CCDC102B: variants seen among roughly 807,000 people sequenced by gnomAD.
CCDC102B encodes the protein coiled-coil domain-containing protein 102B.
In CCDC102B, 75 loss-of-function variants were observed where a neutral mutation model predicts 57.4. The observed-to-expected ratio is 1.31, with a 90% CI of 1.08 to 1.58. The LOEUF is 1.58. Ranked by LOEUF, CCDC102B falls within the 40% of genes most tolerant of loss-of-function variation. The pLI, the probability that CCDC102B is intolerant of heterozygous loss-of-function variation, is 0.00. For synonymous variants in CCDC102B, 206 were observed against 201.9 expected, an observed-to-expected ratio of 1.02 and a Z score of -0.17; for missense variants, 636 against 582.6, an observed-to-expected ratio of 1.09 and a Z score of -0.94.
At chr18:68,967,839 T>A (rs1003847402) in intron 6 of CCDC102B, among the ~76,000 whole-genome samples, 1 of 152,176 alleles carries the variant, frequency 6.6e-6, no homozygotes, top group African/African-American at 2.4e-5. Flanking sequence ...TTATTTTTCT[T>A]TTAAGTAATC....
chr18:68,901,657 A>G (rs2040458571), intron 6 of CCDC102B, among the ~76,000 whole-genome samples: 1 of 152,200 alleles, frequency 6.6e-6, no homozygotes, highest in Non-Finnish European at 1.5e-5. Flanking sequence ...ACATTTGCAC[A>G]TATCCTGTGG....
intron 2 of CCDC102B, among the ~76,000 whole-genome samples, chr18:68,738,993 C>CTTATTTTTTTTTT (rs1555695902): frequency 6.9e-6 from 1 of 144,976 alleles, no homozygotes; most frequent in African/African-American, 2.6e-5. Flanking sequence ...GATGAGCAGC[C>CTTATTTTTTTTTT]TTTTGTTTTT....
chr18:68,730,258 T>C (rs1349059313), intron 2 of CCDC102B, among the ~76,000 whole-genome samples: 1 of 152,170 alleles, frequency 6.6e-6, no homozygotes, highest in Non-Finnish European at 1.5e-5. Context: ...GATTCTCTTA[T>C]CCATTAAAAA....
intron 2 of CCDC102B, among the ~76,000 whole-genome samples, chr18:68,762,633 A>G (rs2034290498): frequency 6.6e-6 from 1 of 152,140 alleles, no homozygotes. Context: ...AAAGTTCTGT[A>G]CTTAATAAGG....
intron 6 of CCDC102B, among the ~76,000 whole-genome samples, chr18:68,952,419 A>G (rs967473147): frequency 6.6e-6 from 1 of 152,094 alleles, no homozygotes; most frequent in Non-Finnish European, 1.5e-5. Flanking sequence ...ATTTTACCCA[A>G]TCATTTTGAA....
At chr18:68,771,633 G>A (rs1391408087) in intron 2 of CCDC102B, among the ~76,000 whole-genome samples, 1 of 152,166 alleles carries the variant, frequency 6.6e-6, no homozygotes, top group African/African-American at 2.4e-5. Flanking sequence ...AGCGGTAAGG[G>A]CTAGAGAGCA....
chr18:69,030,607 G>A (rs1405937512), intron 7 of CCDC102B, among the ~76,000 whole-genome samples: 2 of 152,052 alleles, frequency 1.3e-5, no homozygotes, highest in Admixed American at 1.3e-4. Context: ...ATGTTTATAG[G>A]TTACGTATTC....
At chr18:69,004,163 C>G (rs1418533537) in intron 6 of CCDC102B, among the ~76,000 whole-genome samples, 4 of 152,136 alleles carry the variant, frequency 2.6e-5, no homozygotes, top group African/African-American at 9.7e-5. Flanking sequence ...GGTACATATT[C>G]TAAAGTGACA....
At chr18:68,973,341 C>T (rs1422188691) in intron 6 of CCDC102B, among the ~76,000 whole-genome samples, 2 of 152,086 alleles carry the variant, frequency 1.3e-5, no homozygotes, top group Non-Finnish European at 2.9e-5. Context: ...GTATAAATCA[C>T]ATAGTCCAAA....
At chr18:68,723,783 T>C (rs1321428846) in intron 2 of CCDC102B, among the ~76,000 whole-genome samples, 1 of 152,200 alleles carries the variant, frequency 6.6e-6, no homozygotes, top group African/African-American at 2.4e-5. Flanking sequence ...CTTTTCCAGC[T>C]GCGTGGTACA....
intron 4 of CCDC102B, among the ~76,000 whole-genome samples, chr18:68,864,877 C>T (rs887627953): frequency 6.6e-6 from 1 of 151,868 alleles, no homozygotes; most frequent in African/African-American, 2.4e-5. Context: ...CCAAATATTC[C>T]TTGTTCTCTC....
At chr18:68,836,700 T>C in intron 1 of CCDC102B, 49 bp from the exon 2 acceptor site, 8 of 1,461,166 alleles carry the variant, frequency 5.5e-6, no homozygotes, top group Non-Finnish European at 7.4e-6. Flanking sequence ...TGTTCCTGTA[T>C]TTACAAGGGA....
chr18:68,845,272 T>C (rs2037809493), intron 3 of CCDC102B, among the ~76,000 whole-genome samples: 1 of 151,890 alleles, frequency 6.6e-6, no homozygotes, highest in African/African-American at 2.4e-5. Context: ...ATGCATTTTC[T>C]AGCTCTGTGA....
At chr18:68,875,499 C>A (rs2039407606) in intron 5 of CCDC102B, among the ~76,000 whole-genome samples, 1 of 152,120 alleles carries the variant, frequency 6.6e-6, no homozygotes, top group Admixed American at 6.6e-5. Context: ...GAGCAATTTA[C>A]AGACTGAAAT....
intron 2 of CCDC102B, among the ~76,000 whole-genome samples, chr18:68,778,893 A>AC (rs1168831271): frequency 2.6e-5 from 4 of 151,638 alleles, no homozygotes; most frequent in Admixed American, 2.0e-4. Flanking sequence ...AAAAAAAAAA[A>AC]AAACTGTGAA....
At chr18:68,965,110 C>T (rs1375341250) in intron 6 of CCDC102B, among the ~76,000 whole-genome samples, 3 of 151,912 alleles carry the variant, frequency 2.0e-5, no homozygotes, top group African/African-American at 7.2e-5. Flanking sequence ...CTTTTTAATT[C>T]TATAAATTTA....
At chr18:69,031,510 C>T (rs2052144937) in intron 7 of CCDC102B, among the ~76,000 whole-genome samples, 2 of 150,168 alleles carry the variant, frequency 1.3e-5, no homozygotes, top group African/African-American at 4.9e-5. Context: ...AGCATTTTTC[C>T]TTCAAATTTG....
chr18:68,860,612 C>A (rs1943748680), intron 4 of CCDC102B, among the ~76,000 whole-genome samples: 1 of 106,374 alleles, frequency 9.4e-6, no homozygotes, highest in Admixed American at 1.0e-4. Context: ...GAGAGCCTTC[C>A]ACTGCTATTC....
Position 68,838,921 on chromosome 18 carries a change from A to G in CCDC102B, c.822A>G (p.Glu274=). The G allele has an allele frequency of 6.2e-7, 1 of 1,612,556 alleles. No individual in the cohort carries two copies. The highest frequency in any genetic ancestry group is 2.2e-5 in the East Asian group (1 of 44,782). The change falls in exon 3 of 8, where the codon GAA becomes GAG. Residue 274 remains glutamate (E), a synonymous_variant. Coordinates refer to ENST00000360242, the MANE Select transcript of CCDC102B (RefSeq NM_024781.3). ...AATTCCAAAAAATCTTATGGAAGGA[A>G]AGAGAGTAAGTGCTAATCATTGTCT... ...LDEFQKILWK[E]REMRTALEKE...
Sources: gnomAD v4.1 joint callset for allele counts (sites outside exome capture counted in the v4.1 genomes callset) on GRCh38, gnomAD v4.1.1 for gene constraint, MANE v1.5 for transcripts, NCBI Gene and HGNC (gene_info 2026-07-23, HGNC 2026-07-21) for gene names.